The following TRPM4 variants were observed in gnomAD, a reference collection of about 807,000 sequenced individuals.
TRPM4 encodes the protein transient receptor potential cation channel subfamily M member 4.
Under a neutral mutation model 135.6 loss-of-function variants are expected in TRPM4, and 124 were observed. The observed-to-expected ratio is 0.91, with a 90% CI of 0.79 to 1.06. The LOEUF (loss-of-function observed/expected upper bound fraction) is 1.06. Among genes scored for constraint, TRPM4 ranks in the 50% least tolerant of loss-of-function variants. The pLI is 0.00. For synonymous variants in TRPM4, 745 were observed against 705.6 expected, an observed-to-expected ratio of 1.06 and a Z score of -0.88; for missense variants, 1,658 against 1,671.4, an observed-to-expected ratio of 0.99 and a Z score of 0.14.
rs931479971 is a variant in TRPM4 at position 49,210,626 on chromosome 19, T to G, written c.3329-84T>G. 2 of 1,602,082 alleles carry G rather than the reference T, an allele frequency of 1.2e-6. No individual in the cohort carries two copies. Among genetic ancestry groups the G allele is most frequent in the Non-Finnish European group, 8.5e-7 (1 of 1,171,086 alleles). On this transcript the variant is annotated intron_variant, in intron 21 of 24. Transcript: ENST00000252826. This position sits in a 1 kb window ranked among gnomAD's most constrained non-coding sequence, Gnocchi z 4.1. Reference sequence around the variant, plus strand: ...ACCAGGGGCTGGGTCTGGGATAGCGTGCGTGTTCTGAGGGTGTCGGAAGGG... The same window carrying G: ...ACCAGGGGCTGGGTCTGGGATAGCGGGCGTGTTCTGAGGGTGTCGGAAGGG...
At chr19:49,173,041 C>T (rs571405817) in intron 9 of TRPM4, among the ~76,000 whole-genome samples, 5 of 138,030 alleles carry the variant, frequency 3.6e-5, no homozygotes, top group African/African-American at 1.4e-4. Flanking sequence ...TCCATCCATC[C>T]ATCTTCTCAC....
Position 49,168,695 on chromosome 19 carries a change from G to C in TRPM4, c.755G>C (p.Arg252Pro). 6.2e-7 allele frequency: 1 copy of C among 1,608,494 alleles called. No homozygotes were observed. Among genetic ancestry groups the C allele is most frequent in the Non-Finnish European group, 8.5e-7 (1 of 1,178,050 alleles). Residue 252 changes from arginine to proline, a missense_variant, in exon 6 of 25, where the codon CGC becomes CCC. By Grantham distance (103) the Arg-to-Pro change is moderately radical. Transcript: ENST00000252826. Reference protein sequence around the residue: ...CLGGENRFRLRLESYISQQKT... With the variant: ...CLGGENRFRLPLESYISQQKT... ...GGGGGCGAGAACCGCTTCCGCTTGC[G>C]CCTGGAGTCCTACATCTCACAGCAG...
Position 49,168,590 on chromosome 19 carries a change from C to T in TRPM4, c.650C>T (p.Pro217Leu), listed in dbSNP as rs750644014. 2.1e-5 allele frequency: 34 copies of T among 1,613,660 alleles called. No homozygotes were observed. Among genetic ancestry groups the T allele is most frequent in the Admixed American group, 3.3e-5 (2 of 59,992 alleles). The change falls in exon 6 of 25, where the codon CCG (proline) becomes CTG (leucine). Residue 217 changes from proline (P) to leucine (L), a missense_variant. Coordinates refer to ENST00000252826, the MANE Select transcript of TRPM4 (RefSeq NM_017636.4). Reference sequence around the variant, plus strand: ...GCGAGGTACCGGTGGCGCGGTGACCCGGAGGACGGGGTCCAGTTTCCCCTG... The same window carrying T: ...GCGAGGTACCGGTGGCGCGGTGACCTGGAGGACGGGGTCCAGTTTCCCCTG... The part of the protein sequence containing the change: ...FPARYRWRGD[P>L]EDGVQFPLDY...
chr19:49,205,749 C>T (rs113427237), intron 20 of TRPM4, among the ~76,000 whole-genome samples: 8,455 of 151,264 alleles, frequency 0.056, 702 homozygotes, highest in African/African-American at 0.18. Context: ...TTGCCCAGGC[C>T]GATCTCAAAC....
At chr19:49,161,042 G>T (rs550593881) in intron 2 of TRPM4, among the ~76,000 whole-genome samples, 1 of 152,046 alleles carries the variant, frequency 6.6e-6, no homozygotes, top group South Asian at 2.1e-4. Context: ...GGGAAATGTC[G>T]CTGAGTGCAA....
intron 10 of TRPM4, 178 bp from the exon 11 acceptor site, chr19:49,182,400 C>T: frequency 3.0e-6 from 2 of 659,858 alleles, no homozygotes; most frequent in South Asian, 3.4e-5. Context: ...ATCTGCCCAT[C>T]CATCCATCTG....
chr19:49,206,435 CT>C (rs1318548355), intron 20 of TRPM4, among the ~76,000 whole-genome samples: 1,822 of 143,182 alleles, frequency 0.013, 30 homozygotes, highest in African/African-American at 0.043. Flanking sequence ...TTTTTTTTTC[CT>C]TTTTTTTTTT....
Position 49,210,869 on chromosome 19 carries a change from G to T in TRPM4, c.3461+27G>T. 1 of 1,600,504 alleles carries T rather than the reference G, an allele frequency of 6.2e-7. No homozygotes were observed. Among genetic ancestry groups the T allele is most frequent in the Non-Finnish European group, 8.5e-7 (1 of 1,174,354 alleles). On this transcript the variant is annotated intron_variant, in intron 22 of 24. Coordinates refer to ENST00000252826, the MANE Select transcript of TRPM4 (RefSeq NM_017636.4). The surrounding 1 kb of genome is among the most constrained non-coding windows in gnomAD (Gnocchi z 4.1). ...TGAGAGCGGGGCCTGGTCGGGGATG[G>T]GGCTTCTGGCCTGGGGCGGATCCTG...
intron 12 of TRPM4, 117 bp downstream of exon 12, chr19:49,183,329 T>C: frequency 7.5e-7 from 1 of 1,334,506 alleles, no homozygotes; most frequent in Non-Finnish European, 1.0e-6. Context: ...AGGCGCCCCA[T>C]CCTCCGTCGC....
At chr19:49,205,191 C>T (rs1015311715) in intron 20 of TRPM4, among the ~76,000 whole-genome samples, 5 of 152,106 alleles carry the variant, frequency 3.3e-5, no homozygotes, top group Non-Finnish European at 5.9e-5. Flanking sequence ...GAAATTGTCT[C>T]ACAATTCTGG....
chr19:49,174,144 T>TTGTGTG (rs148469205), intron 9 of TRPM4, among the ~76,000 whole-genome samples: 2,986 of 149,694 alleles, frequency 0.02, 86 homozygotes, highest in African/African-American at 0.06. Flanking sequence ...CAAGGAAAAG[T>TTGTGTG]TGTGTGTGTG....
At chr19:49,204,209 G>C (rs1489969300) in intron 20 of TRPM4, among the ~76,000 whole-genome samples, 2 of 152,212 alleles carry the variant, frequency 1.3e-5, no homozygotes, top group African/African-American at 4.8e-5. Context: ...ACTAATGTTT[G>C]TTGGAACATT....
chr19:49,199,289 C>T (rs1264008087), intron 17 of TRPM4, among the ~76,000 whole-genome samples: 2 of 151,672 alleles, frequency 1.3e-5, no homozygotes, highest in Non-Finnish European at 2.9e-5. Flanking sequence ...GACGGAGTCT[C>T]GCTCTGTAGC....
At position 49,182,589 on chromosome 19, in the gene TRPM4, C is replaced by T. The variant is rs767677637; in HGVS notation, c.1275C>T (p.Leu425=). 3.7e-6 allele frequency: 6 copies of T among 1,613,310 alleles called. No homozygotes were observed. The African/African-American group carries it at 4.0e-5, about 11-fold the overall frequency. ...TCCCACCCTGCCAGTCCTTCCATCT[C>T]GAAGCTTCCCTCATGGACGCCCTGC... The part of the protein sequence containing the change: ...RGDIQWRSFH[L]EASLMDALLN... The change falls in exon 11 of 25, where the codon CTC becomes CTT. Residue 425 remains leucine (L), a synonymous_variant. Transcript: ENST00000252826.
intron 2 of TRPM4, among the ~76,000 whole-genome samples, chr19:49,161,991 A>T (rs1362206987): frequency 6.6e-6 from 1 of 152,062 alleles, no homozygotes; most frequent in Non-Finnish European, 1.5e-5. Context: ...TTTGAGAATC[A>T]TGTAGGGAAG....
At chr19:49,158,446 C>T (rs2041561347) in intron 2 of TRPM4, 187 bp downstream of exon 2, 2 of 635,928 alleles carry the variant, frequency 3.1e-6, no homozygotes, top group South Asian at 1.8e-5. Flanking sequence ...ATTCCCCATT[C>T]GCCATTCTCC....
At chr19:49,173,349 C>T (rs1967546961) in intron 9 of TRPM4, among the ~76,000 whole-genome samples, 2 of 152,196 alleles carry the variant, frequency 1.3e-5, no homozygotes, top group Non-Finnish European at 2.9e-5. Context: ...TGTCCATCCA[C>T]ACATCCACTG....
At chr19:49,197,395 TTTTCC>T (rs1253903479) in intron 17 of TRPM4, among the ~76,000 whole-genome samples, 23 of 150,528 alleles carry the variant, frequency 1.5e-4, no homozygotes, top group African/African-American at 4.4e-4. Flanking sequence ...TTCTCTTTTC[TTTTCC>T]TTTCTTTTCT....
chr19:49,181,613 G>A (rs1967929780), intron 10 of TRPM4, 152 bp downstream of exon 10: 1 of 610,238 alleles, frequency 1.6e-6, no homozygotes, highest in Admixed American at 3.0e-5. Context: ...CTCACTGCAA[G>A]CTCCGCCACC....
Sources: allele counts gnomAD v4.1 joint callset (sites outside exome capture counted in the v4.1 genomes callset), GRCh38; gene constraint gnomAD v4.1.1; non-coding constraint Gnocchi (gnomAD v3.1); transcripts MANE v1.5; gene names NCBI Gene and HGNC (gene_info 2026-07-23, HGNC 2026-07-21).